The following PDE7B variants were observed in gnomAD, a reference collection of about 807,000 sequenced individuals.
PDE7B encodes the protein 3',5'-cyclic-AMP phosphodiesterase 7B.
In PDE7B, 29 loss-of-function variants were observed where a neutral mutation model predicts 56.2. The ratio of observed to expected loss-of-function variants is 0.52; its 90% CI spans 0.38 to 0.70. PDE7B has a LOEUF of 0.70. Ranked by LOEUF, PDE7B falls within the 30% of genes least tolerant of loss-of-function variation. The pLI is 0.00. For synonymous variants in PDE7B, 197 were observed against 196.9 expected (o/e 1.00, Z 0.00); for missense variants, 490 against 565.0 (o/e 0.87, Z 1.35).
intron 2 of PDE7B, among the ~76,000 whole-genome samples, chr6:136,051,927 G>C (rs753559032): frequency 1.6e-4 from 25 of 152,078 alleles, no homozygotes; most frequent in Non-Finnish European, 3.1e-4. Context: ...TTCAGAACCA[G>C]GACCATGGAA....
chr6:135,906,296 A>G (rs1051174151), intron 1 of PDE7B, among the ~76,000 whole-genome samples: 1 of 152,224 alleles, frequency 6.6e-6, no homozygotes, highest in Non-Finnish European at 1.5e-5. Flanking sequence ...GTTTATTTTA[A>G]AAGTTTCAGA....
chr6:136,187,575 C>T (rs1196043564), intron 12 of PDE7B, among the ~76,000 whole-genome samples: 1 of 152,156 alleles, frequency 6.6e-6, no homozygotes, highest in Non-Finnish European at 1.5e-5. Context: ...GCTATCCCGC[C>T]GCATCCTGGG....
intron 2 of PDE7B, chr6:136,012,586 TG>T (rs896890359): frequency 6.6e-6 from 1 of 152,320 alleles, no homozygotes; most frequent in Non-Finnish European, 1.5e-5. Flanking sequence ...TTCTCTTACA[TG>T]GCAGCAGGAG....
chr6:136,133,386 C>A (rs1778152488), intron 3 of PDE7B, among the ~76,000 whole-genome samples: 1 of 151,822 alleles, frequency 6.6e-6, no homozygotes, highest in South Asian at 2.1e-4. Context: ...TCTAAAGATG[C>A]ACTTATAATC....
At chr6:136,147,785 C>T (rs189788499) in intron 4 of PDE7B, among the ~76,000 whole-genome samples, 6 of 152,244 alleles carry the variant, frequency 3.9e-5, no homozygotes, top group Admixed American at 1.3e-4. Context: ...CATATTTGCA[C>T]GATACTAAGT....
At chr6:135,913,000 C>G (rs1023525993) in intron 1 of PDE7B, among the ~76,000 whole-genome samples, 1 of 152,158 alleles carries the variant, frequency 6.6e-6, no homozygotes, top group Non-Finnish European at 1.5e-5. Context: ...AAGCAGGGAA[C>G]TTGCTCACTC....
intron 1 of PDE7B, among the ~76,000 whole-genome samples, chr6:135,945,120 C>T (rs1774573877): frequency 6.6e-6 from 1 of 152,124 alleles, no homozygotes; most frequent in African/African-American, 2.4e-5. Context: ...GCAGAAAATG[C>T]ATCCCAGTAA....
chr6:136,093,557 C>T (rs1378354011), intron 2 of PDE7B, among the ~76,000 whole-genome samples: 2 of 152,180 alleles, frequency 1.3e-5, no homozygotes, highest in Non-Finnish European at 2.9e-5. Flanking sequence ...TGCCATGATC[C>T]ATTTTCTGCC....
At chr6:136,180,566 C>T in intron 10 of PDE7B, among the ~76,000 whole-genome samples, 1 of 152,200 alleles carries the variant, frequency 6.6e-6, no homozygotes, top group East Asian at 1.9e-4. Context: ...CCAATGGACA[C>T]TGCTGGTCTC....
At chr6:136,142,527 G>C (rs1254973468) in intron 3 of PDE7B, among the ~76,000 whole-genome samples, 1 of 151,472 alleles carries the variant, frequency 6.6e-6, no homozygotes, top group Non-Finnish European at 1.5e-5. Context: ...TTTCTGTCTC[G>C]CTGATCTAAT....
chr6:136,120,576 G>A (rs1314159789), intron 3 of PDE7B, among the ~76,000 whole-genome samples: 1 of 152,192 alleles, frequency 6.6e-6, no homozygotes, highest in Non-Finnish European at 1.5e-5. Flanking sequence ...ATGCAACGCA[G>A]GGGGTTTGGT....
chr6:135,963,843 G>A (rs74506588), intron 2 of PDE7B, among the ~76,000 whole-genome samples: 4,776 of 152,166 alleles, frequency 0.031, 258 homozygotes, highest in African/African-American at 0.11. Context: ...GGCTACCTCT[G>A]CTTCTGTTTT....
intron 2 of PDE7B, among the ~76,000 whole-genome samples, chr6:136,101,635 A>G (rs942642308): frequency 6.6e-6 from 1 of 152,148 alleles, no homozygotes; most frequent in African/African-American, 2.4e-5. Flanking sequence ...GTTTTGCATA[A>G]GCATTTGTTG....
At chr6:135,874,845 T>G (rs1775460710) in intron 1 of PDE7B, among the ~76,000 whole-genome samples, 1 of 152,160 alleles carries the variant, frequency 6.6e-6, no homozygotes, top group Non-Finnish European at 1.5e-5. Flanking sequence ...AATTAAAATT[T>G]CCTGCTATGT....
At chr6:136,139,301 A>G (rs1462590662) in intron 3 of PDE7B, among the ~76,000 whole-genome samples, 2 of 152,180 alleles carry the variant, frequency 1.3e-5, no homozygotes, top group African/African-American at 4.8e-5. Context: ...ACATGAACTC[A>G]TCACTTTTTA....
At chr6:135,926,085 TGGGGGGGG>T (rs948738463) in intron 1 of PDE7B, among the ~76,000 whole-genome samples, 1 of 16,156 alleles carries the variant, frequency 6.2e-5, no homozygotes, top group Non-Finnish European at 2.0e-4. Flanking sequence ...TTCTTTTTTT[TGGGGGGGG>T]GGGGGGGAGG....
At chr6:136,002,635 C>G (rs1775694074) in intron 2 of PDE7B, among the ~76,000 whole-genome samples, 1 of 152,164 alleles carries the variant, frequency 6.6e-6, no homozygotes, top group Admixed American at 6.5e-5. Context: ...GGGATCAATT[C>G]AACAAGAAGA....
chr6:136,173,764 C>T (rs1255207463), intron 8 of PDE7B, 33 bp from the exon 9 acceptor site: 1 of 1,383,498 alleles, frequency 7.2e-7, no homozygotes, highest in Non-Finnish European at 1.0e-6. Flanking sequence ...TGGCTTCCCT[C>T]TCATTTATAA....
chr6:135,918,408 G>C (rs1773999501), intron 1 of PDE7B, among the ~76,000 whole-genome samples: 1 of 152,128 alleles, frequency 6.6e-6, no homozygotes, highest in South Asian at 2.1e-4. Flanking sequence ...GGGAATGGCA[G>C]CTACCCATAT....
Sources: gnomAD v4.1 joint callset for allele counts (sites outside exome capture counted in the v4.1 genomes callset) on GRCh38, gnomAD v4.1.1 for gene constraint, MANE v1.5 for transcripts, NCBI Gene and HGNC (gene_info 2026-07-23, HGNC 2026-07-21) for gene names.